The following KCNC4 variants were observed in gnomAD, a reference collection of about 807,000 sequenced individuals.
The protein encoded by KCNC4 is voltage-gated potassium channel KCNC4.
In KCNC4, 23 loss-of-function variants were observed where a neutral mutation model predicts 42.8. That is an observed-to-expected ratio of 0.54 (90% CI 0.39 to 0.76). KCNC4 has a LOEUF of 0.76. Ranked by LOEUF, KCNC4 falls within the 30% of genes least tolerant of loss-of-function variation. The probability of loss-of-function intolerance (pLI) is 0.00; values close to 1 mark genes in which losing one functional copy is unlikely to be tolerated. For missense variants in KCNC4, 751 were observed against 898.2 expected (o/e 0.84, Z 2.10); for synonymous variants, 422 against 393.5 (o/e 1.07, Z -0.86).
intron 3 of KCNC4, chr1:110,229,268 C>T (rs1374939425): frequency 6.6e-6 from 1 of 152,280 alleles, no homozygotes; most frequent in Non-Finnish European, 1.5e-5. Context: ...TGCCTATGGG[C>T]AGTGCTGCCC....
chr1:110,231,514 C>A (rs1165710975), intron 3 of KCNC4, among the ~76,000 whole-genome samples: 2 of 152,274 alleles, frequency 1.3e-5, no homozygotes, highest in South Asian at 4.1e-4. Flanking sequence ...TGCTGTGACT[C>A]CTTCTGTCTC....
downstream of KCNC4, chr1:110,235,226 C>G (rs1267162465): frequency 1.3e-5 from 2 of 152,228 alleles, no homozygotes; most frequent in African/African-American, 4.8e-5. Flanking sequence ...AAGGAAAGAT[C>G]GGGCTTGGAG....
rs1658217255 is a variant in KCNC4 at position 110,223,402 on chromosome 1, A to T, written c.1117A>T (p.Thr373Ser). The change falls in exon 2 of 4, where the codon ACC becomes TCC. Residue 373 changes from threonine (T) to serine (S), a missense_variant. Transcript: ENST00000438661. This position sits in a 1 kb window ranked among gnomAD's most constrained non-coding sequence, Gnocchi z 7.5. Reference sequence around the variant, plus strand: ...CGTGGGGCTACGCGTGCTGGGCCACACCCTGAGGGCCAGCACCAATGAGTT... The same window carrying T: ...CGTGGGGCTACGCGTGCTGGGCCACTCCCTGAGGGCCAGCACCAATGAGTT... ...HFVGLRVLGHTLRASTNEFLL... is the reference protein window; with the variant it reads ...HFVGLRVLGHSLRASTNEFLL... 1 of 1,613,754 alleles carries T rather than the reference A, an allele frequency of 6.2e-7. No homozygotes were observed. The highest frequency in any genetic ancestry group is 1.3e-5 in the African/African-American group (1 of 74,900).
intron 3 of KCNC4, among the ~76,000 whole-genome samples, chr1:110,229,694 G>C (rs1448575203): frequency 3.3e-5 from 5 of 152,144 alleles, no homozygotes; most frequent in Non-Finnish European, 7.3e-5. Flanking sequence ...TGAGTCACTG[G>C]GTGAGCAGGG....
intron 1 of KCNC4, among the ~76,000 whole-genome samples, chr1:110,218,389 C>G (rs922044585): frequency 1.3e-5 from 2 of 152,156 alleles, no homozygotes; most frequent in Non-Finnish European, 2.9e-5. Context: ...ATGACTCACT[C>G]CTTCACTCTT....
intron 1 of KCNC4, among the ~76,000 whole-genome samples, chr1:110,218,754 G>T (rs1326598336): frequency 6.6e-6 from 1 of 152,210 alleles, no homozygotes; most frequent in African/African-American, 2.4e-5. Context: ...GAACCCAGAA[G>T]TGTGTGGCTT....
chr1:110,232,119 G>A (rs1002612665), intron 3 of KCNC4: 3 of 1,130,014 alleles, frequency 2.7e-6, no homozygotes, highest in Non-Finnish European at 3.9e-6. Context: ...GAAAGGCCCA[G>A]GTGGTAGACA....
chr1:110,217,676 A>G (rs1359218888), intron 1 of KCNC4, among the ~76,000 whole-genome samples: 1 of 152,154 alleles, frequency 6.6e-6, no homozygotes, highest in Non-Finnish European at 1.5e-5. Flanking sequence ...GAGCATAGGT[A>G]GAGGTGGGTT....
rs1295983020 is a variant in KCNC4 at position 110,226,061 on chromosome 1, C to G, written c.1702C>G (p.Pro568Ala). The stretch of plus-strand genomic sequence containing the variant: ...CCAACCCCTGGCCTCCTCCCCGACC[C>G]CCGAGGAGCGCCGGGCCCTGCGACG... ...LTQPLASSPT[P>A]EERRALRRST... Residue 568 changes from proline to alanine, a missense_variant, in exon 3 of 4, where the codon CCC (proline) becomes GCC (alanine). Around this residue, in one of 4 missense-constraint regions of KCNC4, gnomAD observed 202 missense variants for 181.5 expected, o/e 1.11. Coordinates refer to ENST00000438661, the MANE Select transcript of KCNC4 (RefSeq NM_001039574.3). 5 of 1,613,836 alleles carry G rather than the reference C, an allele frequency of 3.1e-6. No homozygotes were observed. The Admixed American group carries it at 5.0e-5, about 16-fold the overall frequency.
intron 1 of KCNC4, among the ~76,000 whole-genome samples, chr1:110,214,394 T>G (rs115153686): frequency 1.3e-5 from 2 of 152,202 alleles, no homozygotes; most frequent in African/African-American, 4.8e-5. Context: ...AAAGAGGACT[T>G]GCCTCCTGCT....
chr1:110,222,690 C>T, intron 1 of KCNC4: 1 of 429,028 alleles, frequency 2.3e-6, no homozygotes, highest in East Asian at 3.9e-5. Flanking sequence ...CTATCAAAGG[C>T]AGGTCTAGCA....
intron 1 of KCNC4, among the ~76,000 whole-genome samples, chr1:110,268,400 G>T (rs1395935769): frequency 6.6e-6 from 1 of 152,136 alleles, no homozygotes; most frequent in Non-Finnish European, 1.5e-5. Flanking sequence ...GAGGTCAGGA[G>T]ATCGAGACCA....
At chr1:110,227,144 A>G (rs1338664540) in intron 3 of KCNC4, among the ~76,000 whole-genome samples, 1 of 152,162 alleles carries the variant, frequency 6.6e-6, no homozygotes, top group Non-Finnish European at 1.5e-5. Context: ...GCCACTTCTT[A>G]ACCAGCTGGA....
intron 1 of KCNC4, among the ~76,000 whole-genome samples, chr1:110,280,008 C>T (rs1659793664): frequency 6.6e-6 from 1 of 151,942 alleles, no homozygotes; most frequent in African/African-American, 2.4e-5. Flanking sequence ...AGGCTGGTCT[C>T]AATCTCTTGT....
In KCNC4 at chr1:110,225,992, G is replaced by A. The variant is rs1571044787; in HGVS notation, c.1633G>A (p.Asp545Asn). ...CCCTTCAGACTCTAAGCAGAATGGCGATGCCAACGCAGTGCTGTCTGATGA... is the reference window on the plus strand; with the variant it reads ...CCCTTCAGACTCTAAGCAGAATGGCAATGCCAACGCAGTGCTGTCTGATGA... ...RKRADSKQNGDANAVLSDEEG... is the reference protein window; with the variant it reads ...RKRADSKQNGNANAVLSDEEG... Residue 545 changes from aspartate to asparagine, a missense_variant, in exon 3 of 4, where the codon GAT becomes AAT. Asp to Asn is a conservative substitution (Grantham distance 23). This residue lies in a region of KCNC4 where 202 missense variants were observed against 181.5 expected (regional missense o/e 1.11). Transcript: ENST00000438661. The A allele has an allele frequency of 4.4e-6, 7 of 1,599,614 alleles. No homozygotes were observed. Among genetic ancestry groups the A allele is most frequent in the East Asian group, 2.2e-5 (1 of 44,554 alleles).
Position 110,211,258 on chromosome 1 carries a change from G to A in KCNC4, c.-242G>A. On this transcript the variant is annotated 5_prime_UTR_variant, in exon 1 of 4. Transcript: ENST00000438661. The surrounding 1 kb of genome is among the most constrained non-coding windows in gnomAD (Gnocchi z 6.5). The stretch of plus-strand genomic sequence containing the variant: ...CTACTTCCCCGGGTCCTCCCTCTCT[G>A]CGCCTCCCTCTCTCCGGAGCTTCCT... The A allele has an allele frequency of 1.8e-6, 1 of 559,494 alleles. No homozygotes were observed. The highest frequency in any genetic ancestry group is 1.9e-5 in the African/African-American group (1 of 52,752). The allele number at this position is 559,494 out of a possible 1,614,324, so 34.7% of individuals were successfully genotyped here.
chr1:110,261,427 A>G (rs1557873083), intron 1 of KCNC4, among the ~76,000 whole-genome samples: 1 of 152,242 alleles, frequency 6.6e-6, no homozygotes, highest in African/African-American at 2.4e-5. Context: ...GAAATCTGCT[A>G]TATATTTGAT....
rs546287771 is a variant in KCNC4, at chr1:110,231,955, C to T, written c.1820-956C>T. 3.3e-5 allele frequency among the ~76,000 whole-genome samples: 5 copies of T among 152,280 alleles called. No homozygotes were observed. In the East Asian group the frequency reaches 9.7e-4, roughly 29 times the overall value. Reference sequence around the variant, plus strand: ...ATGCCACATCTGCACTCCACCTTGACAGGAGGCCTAGCCCTAGACCTCAGA... The same window carrying T: ...ATGCCACATCTGCACTCCACCTTGATAGGAGGCCTAGCCCTAGACCTCAGA... On this transcript the variant is annotated intron_variant, in intron 3 of 3. Coordinates refer to ENST00000438661, the MANE Select transcript of KCNC4 (RefSeq NM_001039574.3).
At position 110,223,920 on chromosome 1, in the gene KCNC4, A is replaced by G. The variant is rs767096353; in HGVS notation, c.1615+20A>G. On this transcript the variant is annotated intron_variant, in intron 2 of 3. Transcript: ENST00000438661. This position sits in a 1 kb window ranked among gnomAD's most constrained non-coding sequence, Gnocchi z 7.5. ...GGGCAGGTGAGATTAGGGGTTGGGA[A>G]GGAAAATCCCTTTTCCCCCAGTGGC... The G allele has an allele frequency of 6.6e-5, 102 of 1,553,112 alleles. No individual in the cohort carries two copies. Among genetic ancestry groups the G allele is most frequent in the Non-Finnish European group, 8.6e-5 (98 of 1,142,624 alleles).
Sources: allele counts gnomAD v4.1 joint callset (sites outside exome capture counted in the v4.1 genomes callset), GRCh38; gene constraint gnomAD v4.1.1; regional missense constraint gnomAD v4.1.1; non-coding constraint Gnocchi (gnomAD v3.1); transcripts MANE v1.5; gene names NCBI Gene and HGNC (gene_info 2026-07-23, HGNC 2026-07-21).